Variants in UST observed in about 807,000 individuals in gnomAD.
UST encodes the protein uronyl 2-sulfotransferase, also known as chondroitin sulfate 2-O-sulfotransferase.
In UST, 21 loss-of-function variants were observed where a neutral mutation model predicts 45.6. The ratio of observed to expected loss-of-function variants is 0.46; its 90% CI spans 0.33 to 0.66. UST has a LOEUF of 0.66. Ranked by LOEUF, UST falls within the 30% of genes least tolerant of loss-of-function variation. The probability of loss-of-function intolerance (pLI) is 0.02; values close to 1 mark genes in which losing one functional copy is unlikely to be tolerated. For synonymous variants in UST, 215 were observed against 200.6 expected (o/e 1.07, Z -0.61); for missense variants, 463 against 512.4 (o/e 0.90, Z 0.93).
At chr6:149,031,364 A>G (rs1319174592) in intron 7 of UST, among the ~76,000 whole-genome samples, 1 of 152,226 alleles carries the variant, frequency 6.6e-6, no homozygotes, top group Non-Finnish European at 1.5e-5. Context: ...GGGGAACTGT[A>G]TAACCACAGG....
rs765599064 is a variant in UST, at chr6:148,934,712, C to T, written c.292-6567C>T. On this transcript the variant is annotated intron_variant, in intron 2 of 7. Coordinates refer to ENST00000367463, the MANE Select transcript of UST (RefSeq NM_005715.3). This position sits in a 1 kb window ranked among gnomAD's most constrained non-coding sequence, Gnocchi z 4.1. The stretch of plus-strand genomic sequence containing the variant: ...CACTTAATACAGAAAGCTGGGAGTC[C>T]TCTGTGACAGCACTTCCTCAAAGCT... 1.3e-5 allele frequency among the ~76,000 whole-genome samples: 2 copies of T among 152,138 alleles called. No homozygotes were observed. The highest frequency in any genetic ancestry group is 4.1e-4 in the South Asian group (2 of 4,828).
intron 5 of UST, among the ~76,000 whole-genome samples, chr6:149,007,889 A>G (rs1775743762): frequency 1.3e-5 from 2 of 152,188 alleles, no homozygotes; most frequent in Admixed American, 6.5e-5. Context: ...AGGTGCAGTG[A>G]GAGCCCAGAT....
At chr6:148,859,196 A>C (rs1333660312) in intron 1 of UST, among the ~76,000 whole-genome samples, 1 of 152,136 alleles carries the variant, frequency 6.6e-6, no homozygotes, top group Non-Finnish European at 1.5e-5. Flanking sequence ...AACTGGTGTG[A>C]GATGGTATCT....
chr6:148,846,455 G>C (rs1272821538), intron 1 of UST, among the ~76,000 whole-genome samples: 1 of 152,008 alleles, frequency 6.6e-6, no homozygotes, highest in East Asian at 1.9e-4. Context: ...TGTGGGTTGG[G>C]GGGAGGGGGG....
At chr6:148,852,159 G>A (rs913422589) in intron 1 of UST, among the ~76,000 whole-genome samples, 2 of 152,164 alleles carry the variant, frequency 1.3e-5, no homozygotes, top group African/African-American at 4.8e-5. Context: ...TGCCAGTGTT[G>A]TCATTAAGAA....
intron 2 of UST, among the ~76,000 whole-genome samples, chr6:148,935,274 C>T (rs991782428): frequency 3.3e-5 from 5 of 152,154 alleles, no homozygotes; most frequent in South Asian, 2.1e-4. Flanking sequence ...TTTGGAGGCC[C>T]CTTCACTTTT....
intron 2 of UST, among the ~76,000 whole-genome samples, chr6:148,896,181 TG>T (rs1479379084): frequency 6.6e-6 from 1 of 152,268 alleles, no homozygotes; most frequent in Non-Finnish European, 1.5e-5. Flanking sequence ...TGCTGGATTT[TG>T]TGTGTATACA....
chr6:148,751,775 C>T (rs1423092939), intron 1 of UST, among the ~76,000 whole-genome samples: 1 of 151,556 alleles, frequency 6.6e-6, no homozygotes, highest in Admixed American at 6.6e-5. Context: ...CTTTGTTTTG[C>T]TATGGAAAAC....
intron 1 of UST, among the ~76,000 whole-genome samples, chr6:148,831,454 G>C (rs1777685827): frequency 6.6e-6 from 1 of 152,084 alleles, no homozygotes; most frequent in East Asian, 1.9e-4. Flanking sequence ...TTCAGATTTA[G>C]TTATCACTTA....
In UST at chr6:148,954,392, A is replaced by G. The variant is rs376628727; in HGVS notation, c.527+441A>G. 2.0e-5 allele frequency among the ~76,000 whole-genome samples: 3 copies of G among 152,360 alleles called. No individual in the cohort carries two copies. The South Asian group carries it at 6.2e-4, about 32-fold the overall frequency. On this transcript the variant is annotated intron_variant, in intron 4 of 7. Coordinates refer to ENST00000367463, the MANE Select transcript of UST (RefSeq NM_005715.3). ...CAGCCTCTGTCTGTCTTTTTAATAC[A>G]ATCGTGTGCCACATCACGACATTTT...
chr6:149,065,679 C>T (rs540073636), intron 7 of UST, among the ~76,000 whole-genome samples: 71 of 152,288 alleles, frequency 4.7e-4, no homozygotes, highest in African/African-American at 1.7e-3. Context: ...TCATGATATT[C>T]ACCTCACAGG....
intron 7 of UST, among the ~76,000 whole-genome samples, chr6:149,034,641 G>C (rs985759309): frequency 2.6e-5 from 4 of 151,942 alleles, no homozygotes; most frequent in Admixed American, 2.6e-4. Flanking sequence ...ATGTTTCTCA[G>C]TTGGGTCCAG....
intron 7 of UST, among the ~76,000 whole-genome samples, chr6:149,034,943 C>T (rs576551803): frequency 6.9e-6 from 1 of 144,200 alleles, no homozygotes; most frequent in Non-Finnish European, 1.5e-5. Context: ...CAATATGACT[C>T]GGTATGTGTG....
At chr6:148,804,924 A>G (rs1198528849) in intron 1 of UST, among the ~76,000 whole-genome samples, 2 of 151,764 alleles carry the variant, frequency 1.3e-5, no homozygotes, top group African/African-American at 4.8e-5. Flanking sequence ...TGCATATAAT[A>G]TTTTTCCAGT....
chr6:148,768,660 G>A (rs1428280881), intron 1 of UST, among the ~76,000 whole-genome samples: 8 of 152,150 alleles, frequency 5.3e-5, no homozygotes, highest in Admixed American at 5.2e-4. Context: ...CTGCATGTCT[G>A]TCTGGAAACA....
intron 4 of UST, among the ~76,000 whole-genome samples, chr6:148,961,674 G>A (rs1288886404): frequency 6.6e-6 from 1 of 152,204 alleles, no homozygotes; most frequent in Non-Finnish European, 1.5e-5. Context: ...TGATACAGTG[G>A]ACTTCACAGG....
At chr6:148,799,286 T>G (rs1777010250) in intron 1 of UST, among the ~76,000 whole-genome samples, 1 of 152,240 alleles carries the variant, frequency 6.6e-6, no homozygotes, top group African/African-American at 2.4e-5. Flanking sequence ...ACTAGAAGAC[T>G]TCTCTGAGGC....
chr6:149,017,567 T>C (rs190999298), intron 5 of UST, among the ~76,000 whole-genome samples: 3 of 152,176 alleles, frequency 2.0e-5, no homozygotes, highest in Admixed American at 1.3e-4. Context: ...TTTTATATTG[T>C]CCTACATGTT....
chr6:148,863,577 G>A (rs560186957), intron 1 of UST, among the ~76,000 whole-genome samples: 1 of 152,288 alleles, frequency 6.6e-6, no homozygotes, highest in Admixed American at 6.5e-5. Flanking sequence ...AGGAGAAGAG[G>A]CACTCTATTT....
Sources: allele counts gnomAD v4.1 joint callset (sites outside exome capture counted in the v4.1 genomes callset), GRCh38; gene constraint gnomAD v4.1.1; non-coding constraint Gnocchi (gnomAD v3.1); transcripts MANE v1.5; gene names NCBI Gene and HGNC (gene_info 2026-07-23, HGNC 2026-07-21).